The following MICAL2 variants were observed in gnomAD, a reference collection of about 807,000 sequenced individuals.
MICAL2 encodes the protein [F-actin]-monooxygenase MICAL2.
A neutral mutation model predicts 127.3 loss-of-function variants in MICAL2; 77 were observed. The observed-to-expected ratio is 0.60, with a 90% CI of 0.50 to 0.73. MICAL2 has a LOEUF of 0.73. Among genes scored for constraint, MICAL2 ranks in the 30% least tolerant of loss-of-function variants. The pLI, the probability that MICAL2 is intolerant of heterozygous loss-of-function variation, is 0.00. For missense variants in MICAL2, 1,351 were observed against 1,434.4 expected (o/e 0.94, Z 0.94); for synonymous variants, 570 against 551.1 (o/e 1.03, Z -0.48).
intron 1 of MICAL2, among the ~76,000 whole-genome samples, chr11:12,124,468 G>T (rs1850751878): frequency 6.6e-6 from 1 of 152,184 alleles, no homozygotes; most frequent in African/African-American, 2.4e-5. Flanking sequence ...GACATGAACA[G>T]CCTTAACGTT....
chr11:12,170,183 C>G (rs994385736), intron 3 of MICAL2, among the ~76,000 whole-genome samples: 1 of 152,200 alleles, frequency 6.6e-6, no homozygotes, highest in African/African-American at 2.4e-5. Context: ...GTCCCCATTT[C>G]TCACTCCTAT....
rs182679627 is a variant in MICAL2 at position 12,312,948 on chromosome 11, C to G, written c.5213-6748C>G. On this transcript the variant is annotated intron_variant, in intron 29 of 34. Coordinates refer to the MICAL2 transcript ENST00000646065. Reference sequence around the variant, plus strand: ...TTGGGAGGCCGAGATGGGCGGATCACAAGGTCAGGAGATCGAGACCATTCT... The same window carrying G: ...TTGGGAGGCCGAGATGGGCGGATCAGAAGGTCAGGAGATCGAGACCATTCT... Among the ~76,000 whole-genome samples, 586 of 152,114 alleles carry G rather than the reference C, an allele frequency of 3.9e-3. 2 individuals carry two copies. The highest frequency in any genetic ancestry group is 5.9e-3 in the Non-Finnish European group (398 of 67,984).
chr11:12,206,463 T>C (rs749047766), intron 4 of MICAL2, among the ~76,000 whole-genome samples: 7 of 152,316 alleles, frequency 4.6e-5, no homozygotes, highest in Non-Finnish European at 1.0e-4. Flanking sequence ...ACCTACTGTG[T>C]GCTGGAACCG....
intron 29 of MICAL2, among the ~76,000 whole-genome samples, chr11:12,301,854 G>A (rs113995451): frequency 1.6e-3 from 245 of 152,276 alleles, no homozygotes; most frequent in African/African-American, 5.7e-3. Context: ...CATTTCAAAG[G>A]AATGGCTTAT....
chr11:12,232,948 T>C (rs1370476394), intron 15 of MICAL2, among the ~76,000 whole-genome samples: 1 of 148,948 alleles, frequency 6.7e-6, no homozygotes, highest in African/African-American at 2.5e-5. Context: ...AGCATCCCAC[T>C]CCATCCTGCC....
At chr11:12,362,105 C>T (rs1939213896), downstream of MICAL2, among the ~76,000 whole-genome samples, 1 of 152,164 alleles carries the variant, frequency 6.6e-6, no homozygotes. Context: ...CTGAAATGAA[C>T]CAAAAATAAA....
At chr11:12,140,127 G>A (rs1852204375) in intron 2 of MICAL2, among the ~76,000 whole-genome samples, 2 of 152,190 alleles carry the variant, frequency 1.3e-5, no homozygotes, top group African/African-American at 2.4e-5. Context: ...TGCCAAATAG[G>A]TACCTTGGAT....
intron 2 of MICAL2, among the ~76,000 whole-genome samples, chr11:12,155,189 A>C (rs1310236072): frequency 2.0e-5 from 3 of 152,232 alleles, no homozygotes; most frequent in Non-Finnish European, 4.4e-5. Context: ...AGGTCCTTGA[A>C]GAGAGACAGA....
chr11:12,319,933 A>C (rs1290007205), intron 30 of MICAL2: 3 of 694,034 alleles, frequency 4.3e-6, no homozygotes, highest in Non-Finnish European at 7.6e-6. Context: ...GTTTCATTGC[A>C]TCTGACAGAG....
At chr11:12,193,460 GC>G (rs1172829570) in intron 3 of MICAL2, among the ~76,000 whole-genome samples, 5 of 152,214 alleles carry the variant, frequency 3.3e-5, no homozygotes, top group Non-Finnish European at 7.3e-5. Flanking sequence ...TTCTATAGAG[GC>G]CAGCCTGAGA....
downstream of MICAL2, chr11:12,294,227 C>T: frequency 1.2e-6 from 2 of 1,614,126 alleles, no homozygotes; most frequent in South Asian, 2.2e-5. Context: ...CGTGCCTCCA[C>T]CCAAGTCCCC....
chr11:12,152,737 G>A (rs1387131195), intron 2 of MICAL2, among the ~76,000 whole-genome samples: 1 of 151,806 alleles, frequency 6.6e-6, no homozygotes, highest in Non-Finnish European at 1.5e-5. Context: ...GAGAAGCCTA[G>A]ATGACTTTTT....
intron 2 of MICAL2, among the ~76,000 whole-genome samples, chr11:12,144,757 A>C (rs2133662133): frequency 6.6e-6 from 1 of 152,320 alleles, no homozygotes; most frequent in South Asian, 2.1e-4. Context: ...TTCAGCTACA[A>C]CCTGTCAGAC....
upstream of MICAL2, among the ~76,000 whole-genome samples, chr11:12,271,154 G>A (rs1010314298): frequency 2.6e-5 from 4 of 152,178 alleles, no homozygotes; most frequent in Non-Finnish European, 4.4e-5. Flanking sequence ...GAGCTGAGAT[G>A]AGGCTGAGGT....
intron 6 of MICAL2, among the ~76,000 whole-genome samples, chr11:12,210,605 A>T (rs1168510917): frequency 6.6e-6 from 1 of 152,216 alleles, no homozygotes; most frequent in Non-Finnish European, 1.5e-5. Context: ...CTGACAGGGA[A>T]TGTTTAAGCT....
rs73420306 is a variant in MICAL2 at position 12,245,540 on chromosome 11, C to T, written c.2784+1428C>T. Among the ~76,000 whole-genome samples the T allele has an allele frequency of 7.8e-3, 1,183 of 152,178 alleles. 14 individuals are homozygous for T. The highest frequency in any genetic ancestry group is 0.027 in the African/African-American group (1,120 of 41,564). On this transcript the variant is annotated intron_variant, in intron 21 of 27. Coordinates refer to ENST00000683283, the MANE Select transcript of MICAL2 (RefSeq NM_001282663.2). Reference sequence around the variant, plus strand: ...AGGCCACCAGTGTTAATGGGAAGCACCCCAGAAAGGGCAGCAGCAGGTAAC... The same window carrying T: ...AGGCCACCAGTGTTAATGGGAAGCATCCCAGAAAGGGCAGCAGCAGGTAAC...
At chr11:12,174,875 C>G (rs901746593) in intron 3 of MICAL2, among the ~76,000 whole-genome samples, 1 of 152,128 alleles carries the variant, frequency 6.6e-6, no homozygotes, top group Non-Finnish European at 1.5e-5. Flanking sequence ...ACTCCCAGTG[C>G]TTTGGGAGGC....
At chr11:12,167,153 A>AATC (rs775100155) in intron 3 of MICAL2, among the ~76,000 whole-genome samples, 2 of 152,144 alleles carry the variant, frequency 1.3e-5, no homozygotes, top group Non-Finnish European at 2.9e-5. Context: ...ATTGCTCAGT[A>AATC]ATCACAGGTA....
chr11:12,356,982 C>A (rs906275334), intron 34 of MICAL2, among the ~76,000 whole-genome samples: 2 of 152,220 alleles, frequency 1.3e-5, no homozygotes, highest in Admixed American at 1.3e-4. Context: ...CATTACCTGT[C>A]CCCTTTGGGG....
Sources: allele counts gnomAD v4.1 joint callset (sites outside exome capture counted in the v4.1 genomes callset), GRCh38; gene constraint gnomAD v4.1.1; transcripts MANE v1.5; gene names NCBI Gene and HGNC (gene_info 2026-07-23, HGNC 2026-07-21).